TBCK: variants seen among roughly 807,000 people sequenced by gnomAD.
TBCK encodes TBC domain-containing protein kinase-like protein.
A neutral mutation model predicts 113.4 loss-of-function variants in TBCK; 99 were observed. The observed-to-expected ratio is 0.87, with a 90% CI of 0.74 to 1.03. The LOEUF is 1.03. Ranked by LOEUF, TBCK falls within the 50% of genes least tolerant of loss-of-function variation. The pLI is 0.00. For missense variants in TBCK, 1,045 were observed against 1,061.3 expected (o/e 0.98, Z 0.21); for synonymous variants, 369 against 370.8 (o/e 1.00, Z 0.05).
chr4:106,291,490 C>T (rs539420258), intron 3 of TBCK, among the ~76,000 whole-genome samples: 3 of 152,128 alleles, frequency 2.0e-5, no homozygotes, highest in Non-Finnish European at 4.4e-5. Context: ...TGCTATGTGG[C>T]GACCAGCTAT....
intron 7 of TBCK, among the ~76,000 whole-genome samples, chr4:106,249,902 C>A (rs1446208219): frequency 1.3e-5 from 2 of 152,014 alleles, no homozygotes; most frequent in Non-Finnish European, 2.9e-5. Flanking sequence ...TCCTTAATTA[C>A]CAAACATGCT....
chr4:106,089,840 G>T (rs888745042), intron 25 of TBCK, among the ~76,000 whole-genome samples: 1 of 152,216 alleles, frequency 6.6e-6, no homozygotes, highest in African/African-American at 2.4e-5. Flanking sequence ...GCCTTGGACA[G>T]GTTTGTCCCT....
At chr4:106,288,125 A>ATT (rs1491348611) in intron 3 of TBCK, among the ~76,000 whole-genome samples, 1 of 151,728 alleles carries the variant, frequency 6.6e-6, no homozygotes, top group Non-Finnish European at 1.5e-5. Context: ...AAAAAAAAAA[A>ATT]ATTAAGGTAT....
At chr4:106,154,548 T>G (rs545184201) in intron 23 of TBCK, among the ~76,000 whole-genome samples, 1 of 152,254 alleles carries the variant, frequency 6.6e-6, no homozygotes, top group East Asian at 1.9e-4. Flanking sequence ...GGGAGTCATT[T>G]CTCATGGCTT....
At chr4:106,298,829 G>C (rs971812815) in intron 2 of TBCK, among the ~76,000 whole-genome samples, 1 of 152,148 alleles carries the variant, frequency 6.6e-6, no homozygotes, top group Non-Finnish European at 1.5e-5. Flanking sequence ...GTCTAGTTAA[G>C]ATGGAAAAGG....
chr4:106,288,571 T>C (rs1765353657), intron 3 of TBCK, among the ~76,000 whole-genome samples: 1 of 152,194 alleles, frequency 6.6e-6, no homozygotes, highest in Admixed American at 6.5e-5. Flanking sequence ...AATCAGTTCT[T>C]GAATTACCCC....
chr4:106,200,001 G>T (rs960914585), intron 20 of TBCK, among the ~76,000 whole-genome samples: 6 of 152,146 alleles, frequency 3.9e-5, no homozygotes, highest in Non-Finnish European at 5.9e-5. Flanking sequence ...AAAAGCCAAA[G>T]TCCTAATGAT....
chr4:106,208,749 A>G (rs1217321072), intron 20 of TBCK, among the ~76,000 whole-genome samples: 3 of 152,084 alleles, frequency 2.0e-5, no homozygotes, highest in African/African-American at 7.2e-5. Flanking sequence ...TTGCCAAACA[A>G]TGGGAGAAGG....
At chr4:106,307,840 T>C (rs1490367791) in intron 2 of TBCK, among the ~76,000 whole-genome samples, 12 of 152,136 alleles carry the variant, frequency 7.9e-5, no homozygotes, top group African/African-American at 2.9e-4. Context: ...TGAAAGAACC[T>C]GATTACACTA....
intron 22 of TBCK, among the ~76,000 whole-genome samples, chr4:106,191,333 A>G (rs758672092): frequency 9.9e-5 from 15 of 152,188 alleles, no homozygotes; most frequent in Non-Finnish European, 2.1e-4. Context: ...ATTTCACTGA[A>G]TATCTTGCTA....
chr4:106,227,562 T>C (rs1003633525), intron 19 of TBCK, among the ~76,000 whole-genome samples: 1 of 151,986 alleles, frequency 6.6e-6, no homozygotes, highest in Admixed American at 6.6e-5. Flanking sequence ...GAATTTTTGA[T>C]GAATCAGATA....
rs200883569 is a variant in TBCK, at chr4:106,232,988, C to T, written c.1589G>A (p.Arg530His). ...AGACACTACCCAGGCTTTTAATACA[C>T]GCCTAAATTTTGCATGACCTTCTGG... ...SSPEGHAKFR[R>H]VLKAWVVSHP... is the part of the protein sequence containing the mutation. The change falls in exon 17 of 26, where the codon CGT becomes CAT. Residue 530 changes from arginine (R) to histidine (H), a missense_variant. Transcript: ENST00000394708. The T allele has an allele frequency of 3.8e-5, 61 of 1,612,394 alleles. No individual in the cohort carries two copies. The highest frequency in any genetic ancestry group is 2.0e-4 in the South Asian group (18 of 91,034).
At chr4:106,282,870 G>C (rs1764748582) in intron 3 of TBCK, among the ~76,000 whole-genome samples, 1 of 152,064 alleles carries the variant, frequency 6.6e-6, no homozygotes, top group South Asian at 2.1e-4. Context: ...GCTGACAGCA[G>C]CACTCAGTCA....
At chr4:106,237,514 C>A (rs1759607325) in intron 12 of TBCK, 1 of 455,796 alleles carries the variant, frequency 2.2e-6, no homozygotes. Flanking sequence ...GTTCAACTTC[C>A]AACTTGAAGG....
At chr4:106,150,621 C>T (rs1748364388) in intron 23 of TBCK, among the ~76,000 whole-genome samples, 1 of 151,944 alleles carries the variant, frequency 6.6e-6, no homozygotes, top group Non-Finnish European at 1.5e-5. Context: ...TTATTCAATA[C>T]CAACTATATG....
chr4:106,227,943 A>C (rs984169351), intron 19 of TBCK, among the ~76,000 whole-genome samples: 3 of 152,028 alleles, frequency 2.0e-5, no homozygotes, highest in Admixed American at 1.3e-4. Flanking sequence ...GAATATTTCT[A>C]TGTACCAGAA....
In TBCK at chr4:106,120,378, G is replaced by C. The variant is rs577911233; in HGVS notation, c.2236-4000C>G. On this transcript the variant is annotated intron_variant, in intron 23 of 25. Transcript: ENST00000394708. ...TGAGATCAAACTGCAAGGCGGCAGC[G>C]AGGCTGGGGGAGGGGCGCCCACCAT... Among the ~76,000 whole-genome samples, 41 of 152,198 alleles carry C rather than the reference G, an allele frequency of 2.7e-4. No individual in the cohort carries two copies. The East Asian group carries it at 6.8e-3, about 25-fold the overall frequency.
intron 3 of TBCK, among the ~76,000 whole-genome samples, chr4:106,288,630 TA>T (rs1452154755): frequency 6.6e-6 from 1 of 152,186 alleles, no homozygotes; most frequent in Non-Finnish European, 1.5e-5. Context: ...CGAAGATAAA[TA>T]CCGATAATCT....
intron 23 of TBCK, among the ~76,000 whole-genome samples, chr4:106,124,475 A>G (rs1238122689): frequency 2.0e-5 from 3 of 152,188 alleles, no homozygotes; most frequent in Admixed American, 1.3e-4. Context: ...TAGAAATACC[A>G]TTTGACCCAG....
Sources: gnomAD v4.1 joint callset for allele counts (sites outside exome capture counted in the v4.1 genomes callset) on GRCh38, gnomAD v4.1.1 for gene constraint, MANE v1.5 for transcripts, NCBI Gene and HGNC (gene_info 2026-07-23, HGNC 2026-07-21) for gene names.